The following HAUS6 variants were observed in gnomAD, a reference collection of about 807,000 sequenced individuals.
HAUS6 encodes HAUS augmin like complex subunit 6, also known as HAUS augmin-like complex subunit 6.
Under a neutral mutation model 106.8 loss-of-function variants are expected in HAUS6, and 80 were observed. The ratio of observed to expected loss-of-function variants is 0.75; its 90% CI spans 0.63 to 0.90. HAUS6 has a LOEUF of 0.90. Ranked by LOEUF, HAUS6 falls within the 40% of genes least tolerant of loss-of-function variation. The probability of loss-of-function intolerance (pLI) is 0.00; values close to 1 mark genes in which losing one functional copy is unlikely to be tolerated. For synonymous variants in HAUS6, 356 were observed against 379.1 expected (o/e 0.94, Z 0.71); for missense variants, 1,155 against 1,118.1 (o/e 1.03, Z -0.47).
chr9:19,098,719 G>A (rs1283100328), intron 1 of HAUS6, among the ~76,000 whole-genome samples: 1 of 66,328 alleles, frequency 1.5e-5, no homozygotes, highest in East Asian at 2.8e-4. Flanking sequence ...CATACATTAT[G>A]TTTAACATTT....
At position 19,078,258 on chromosome 9, in the gene HAUS6, A is replaced by G. The variant is rs1288470991; in HGVS notation, c.1109T>C (p.Val370Ala). The G allele has an allele frequency of 1.3e-6, 2 of 1,532,440 alleles. No homozygotes were observed. Among genetic ancestry groups the G allele is most frequent in the South Asian group, 1.1e-5 (1 of 89,274 alleles). 94.9% of individuals were successfully genotyped at this position (1,532,440 alleles called of 1,614,324 possible). A position where few individuals can be genotyped will look rare whatever the true frequency, so the allele number is the denominator to read the frequency against. The change falls in exon 10 of 17, where the codon GTT (valine) becomes GCT (alanine). Residue 370 changes from valine (V) to alanine (A), a missense_variant. Coordinates refer to ENST00000380502, the MANE Select transcript of HAUS6 (RefSeq NM_017645.5). ...DDLTTIRHSV[V>A]EKQGEWHKKW... ...TTTATGCCATTCTCCTTGCTTTTCAACAACAGAATGTCTTATAGTTGTGAG... is the reference window on the plus strand; with the variant it reads ...TTTATGCCATTCTCCTTGCTTTTCAGCAACAGAATGTCTTATAGTTGTGAG...
chr9:19,082,861 T>G lies in HAUS6; in HGVS notation c.870+12A>C, dbSNP rs373769021. Reference sequence around the variant, plus strand: ...AGTTTTCTCAAAAGCTTCCTTAATATCAAATGCTTACCTGAAACATTTGTT... The same window carrying G: ...AGTTTTCTCAAAAGCTTCCTTAATAGCAAATGCTTACCTGAAACATTTGTT... On this transcript the variant is annotated intron_variant, in intron 8 of 16. Coordinates refer to ENST00000380502, the MANE Select transcript of HAUS6 (RefSeq NM_017645.5). The G allele has an allele frequency of 6.9e-5, 97 of 1,405,400 alleles. 1 individual carries two copies. The South Asian group carries it at 1.5e-3, about 22-fold the overall frequency. 87.1% of individuals were successfully genotyped at this position (1,405,400 alleles called of 1,614,324 possible).
chr9:19,056,946 G>A (rs1312284041), intron 16 of HAUS6: 1 of 152,432 alleles, frequency 6.6e-6, no homozygotes, highest in African/African-American at 2.4e-5. Context: ...GGGCAAATCA[G>A]AGTATGTAAT....
At chr9:19,093,115 A>C in intron 4 of HAUS6, 56 bp downstream of exon 4, 1 of 1,226,300 alleles carries the variant, frequency 8.2e-7, no homozygotes, top group East Asian at 2.5e-5. Context: ...AAAAATTGTA[A>C]AGAACAATAA....
chr9:19,068,252 C>T lies in HAUS6; in HGVS notation c.1376+1967G>A, dbSNP rs145346005. Among the ~76,000 whole-genome samples the T allele has an allele frequency of 9.9e-3, 1,513 of 152,258 alleles. 10 individuals carry two copies. The highest frequency in any genetic ancestry group is 0.013 in the Non-Finnish European group (876 of 68,030). Reference sequence around the variant, plus strand: ...GGCCAGTAACTTTACTATCTCTTAACACCAGGTCCTCAGAGAAGATTTCAT... The same window carrying T: ...GGCCAGTAACTTTACTATCTCTTAATACCAGGTCCTCAGAGAAGATTTCAT... On this transcript the variant is annotated intron_variant, in intron 12 of 16. Transcript: ENST00000380502.
rs542869420 is a variant in HAUS6 at position 19,065,756 on chromosome 9, G to A, written c.1377-2176C>T. On this transcript the variant is annotated intron_variant, in intron 12 of 16. Coordinates refer to ENST00000380502, the MANE Select transcript of HAUS6 (RefSeq NM_017645.5). ...CTCGGGAGGCTGAAGCAAGAGAATC[G>A]CTTGAACCCAGGAGGCAGCAGTTGC... 9.0e-4 allele frequency among the ~76,000 whole-genome samples: 137 copies of A among 151,938 alleles called. 3 individuals are homozygous for A. Among genetic ancestry groups the A allele is most frequent in the Non-Finnish European group, 1.0e-3 (68 of 67,978 alleles).
At chr9:19,080,391 A>G in intron 9 of HAUS6, 88 bp downstream of exon 9, 3 of 781,408 alleles carry the variant, frequency 3.8e-6, no homozygotes, top group South Asian at 3.0e-5. Context: ...TGTTTGCCAA[A>G]GCTGAAGAGC....
At chr9:19,067,349 C>A (rs1319320434) in intron 12 of HAUS6, among the ~76,000 whole-genome samples, 1 of 152,168 alleles carries the variant, frequency 6.6e-6, no homozygotes, top group East Asian at 1.9e-4. Context: ...GAATTCTGAG[C>A]AGACTACTTC....
At chr9:19,091,940 G>A (rs1354730594) in intron 4 of HAUS6, among the ~76,000 whole-genome samples, 1 of 152,004 alleles carries the variant, frequency 6.6e-6, no homozygotes, top group African/African-American at 2.4e-5. Context: ...GGGATTACAG[G>A]CATGAGCCAC....
intron 12 of HAUS6, among the ~76,000 whole-genome samples, chr9:19,067,589 C>G (rs760021624): frequency 6.6e-6 from 1 of 152,066 alleles, no homozygotes; most frequent in Admixed American, 6.5e-5. Context: ...CCTTCTTTTT[C>G]CTATATTAAG....
chr9:19,098,873 T>A (rs189982161), intron 1 of HAUS6, among the ~76,000 whole-genome samples: 2 of 151,706 alleles, frequency 1.3e-5, no homozygotes, highest in East Asian at 3.9e-4. Flanking sequence ...AAATACAAAA[T>A]TAGCAGGGCA....
At chr9:19,088,642 C>A (rs990974078) in intron 5 of HAUS6, among the ~76,000 whole-genome samples, 2 of 149,280 alleles carry the variant, frequency 1.3e-5, no homozygotes, top group Non-Finnish European at 3.0e-5. Context: ...CCAAGGCAGG[C>A]GGATCACTTG....
chr9:19,063,368 G>A lies in HAUS6; in HGVS notation c.1443+146C>T, dbSNP rs549312387. The A allele has an allele frequency of 1.4e-3, 789 of 554,504 alleles. 5 individuals carry two copies. In the African/African-American group the frequency reaches 0.023, roughly 16 times the overall value. 34.3% of individuals were successfully genotyped at this position (554,504 alleles called of 1,614,324 possible). A position where few individuals can be genotyped will look rare whatever the true frequency, so the allele number is the denominator to read the frequency against. Reference sequence around the variant, plus strand: ...TCCAATATTCCCACTTAGCAATAAGGAATATAAGTAGATATGGTACAAAAT... The same window carrying A: ...TCCAATATTCCCACTTAGCAATAAGAAATATAAGTAGATATGGTACAAAAT... On this transcript the variant is annotated intron_variant, in intron 13 of 16. Transcript: ENST00000380502.
intron 12 of HAUS6, among the ~76,000 whole-genome samples, chr9:19,065,985 G>C (rs866348575): frequency 3.4e-5 from 5 of 148,804 alleles, no homozygotes; most frequent in Non-Finnish European, 5.9e-5. Context: ...GCCCACACTG[G>C]AGTGCAGTGG....
At chr9:19,064,331 A>G (rs1836713548) in intron 12 of HAUS6, among the ~76,000 whole-genome samples, 1 of 152,156 alleles carries the variant, frequency 6.6e-6, no homozygotes, top group Non-Finnish European at 1.5e-5. Flanking sequence ...CATATGCTAA[A>G]TTTTACTCTA....
Position 19,058,931 on chromosome 9 carries a change from T to C in HAUS6, c.1836A>G (p.Gln612=), listed in dbSNP as rs745549811. 5 of 1,598,468 alleles carry C rather than the reference T, an allele frequency of 3.1e-6. No individual in the cohort carries two copies. In the African/African-American group the frequency reaches 6.7e-5, roughly 21 times the overall value. ...ATACTTCTCTATGTTCAGCATCCAT[T>C]TGAATTGGTTCTTTAGTTCTGTTTT... ...MEENRTKEPI[Q]MDAEHREVLP... Residue 612 remains glutamine (Q), a synonymous_variant, in exon 16 of 17, where the codon CAA becomes CAG. Transcript: ENST00000380502.
At chr9:19,069,004 G>T (rs542276197) in intron 12 of HAUS6, among the ~76,000 whole-genome samples, 1 of 151,956 alleles carries the variant, frequency 6.6e-6, no homozygotes, top group South Asian at 2.1e-4. Flanking sequence ...TTTAAGCATG[G>T]AACTCTTCTT....
intron 12 of HAUS6, among the ~76,000 whole-genome samples, chr9:19,065,527 C>T (rs1300673111): frequency 6.6e-6 from 1 of 152,100 alleles, no homozygotes; most frequent in Non-Finnish European, 1.5e-5. Context: ...AAATCACAAC[C>T]GTTTATACTA....
rs368700958 is a variant in HAUS6 at position 19,058,724 on chromosome 9, T to C, written c.2043A>G (p.Gln681=). Residue 681 remains glutamine, a synonymous_variant, in exon 16 of 17, where the codon CAA becomes CAG. Coordinates refer to ENST00000380502, the MANE Select transcript of HAUS6 (RefSeq NM_017645.5). ...LTSHIDEPPT[Q]NQSDLLNKKV... ...TCTTATTTAACAAATCTGACTGATT[T>C]TGTGTTGGTGGTTCATCTATGTGAC... The C allele has an allele frequency of 1.4e-5, 22 of 1,614,142 alleles. No homozygotes were observed. Among genetic ancestry groups the C allele is most frequent in the East Asian group, 2.2e-5 (1 of 44,884 alleles).
Sources: allele counts gnomAD v4.1 joint callset (sites outside exome capture counted in the v4.1 genomes callset), GRCh38; gene constraint gnomAD v4.1.1; transcripts MANE v1.5; gene names NCBI Gene and HGNC (gene_info 2026-07-23, HGNC 2026-07-21).